The following ANK3 variants were observed in gnomAD, a reference collection of about 807,000 sequenced individuals.
ANK3 encodes the protein ankyrin-3.
ANK3 carries 57 observed loss-of-function variants against 370.9 expected under a neutral mutation model. The observed-to-expected ratio is 0.15, with a 90% CI of 0.12 to 0.19. ANK3 has a LOEUF of 0.19. Ranked by LOEUF, ANK3 falls within the 10% of genes least tolerant of loss-of-function variation. The pLI, the probability that ANK3 is intolerant of heterozygous loss-of-function variation, is 1.00. For synonymous variants in ANK3, 1,929 were observed against 1,946.3 expected, an observed-to-expected ratio of 0.99 and a Z score of 0.23; for missense variants, 4,439 against 5,302.1, an observed-to-expected ratio of 0.84 and a Z score of 5.06.
At chr10:60,279,703 C>G in intron 1 of ANK3, 64 bp from the exon 2 acceptor site, 1 of 1,237,554 alleles carries the variant, frequency 8.1e-7, no homozygotes, top group Non-Finnish European at 1.2e-6. Context: ...TATAAACTAT[C>G]CAGCTTAAGG....
At chr10:60,480,037 CA>C (rs1035169178) in intron 2 of ANK3, among the ~76,000 whole-genome samples, 9 of 152,138 alleles carry the variant, frequency 5.9e-5, no homozygotes. Context: ...CTTGGTGAAA[CA>C]AAACTATTGT....
At chr10:60,579,326 T>TTA (rs1474683515) in intron 2 of ANK3, among the ~76,000 whole-genome samples, 1 of 69,022 alleles carries the variant, frequency 1.4e-5, no homozygotes, top group Non-Finnish European at 2.7e-5. Flanking sequence ...TCTCTCTCAA[T>TTA]AAAAAAAAAA....
At chr10:60,149,066 T>G (rs896631849) in intron 23 of ANK3, among the ~76,000 whole-genome samples, 7 of 152,250 alleles carry the variant, frequency 4.6e-5, no homozygotes, top group African/African-American at 1.4e-4. Context: ...TTCTTTCCCT[T>G]ACACCCAAAT....
At chr10:60,419,644 A>G (rs2063738587) in intron 2 of ANK3, among the ~76,000 whole-genome samples, 1 of 152,188 alleles carries the variant, frequency 6.6e-6, no homozygotes, top group African/African-American at 2.4e-5. Flanking sequence ...GGCCTGTTAC[A>G]TTCAGGAAGA....
At chr10:60,240,601 G>C (rs1349637857) in intron 7 of ANK3, among the ~76,000 whole-genome samples, 1 of 150,856 alleles carries the variant, frequency 6.6e-6, no homozygotes, top group Admixed American at 6.6e-5. Flanking sequence ...ACCACACCCA[G>C]TCAATTTTTT....
chr10:60,356,522 T>A (rs2132717414), intron 1 of ANK3, among the ~76,000 whole-genome samples: 1 of 152,286 alleles, frequency 6.6e-6, no homozygotes, highest in Middle Eastern at 3.4e-3. Flanking sequence ...AAAATCCCTG[T>A]CTATCCAACT....
chr10:60,661,200 C>A (rs1588988250), intron 1 of ANK3, among the ~76,000 whole-genome samples: 1 of 150,610 alleles, frequency 6.6e-6, no homozygotes, highest in African/African-American at 2.4e-5. Flanking sequence ...GAACCATAAC[C>A]AGTATCTAGG....
chr10:60,250,629 T>A (rs1271362244), intron 7 of ANK3, among the ~76,000 whole-genome samples: 8 of 152,194 alleles, frequency 5.3e-5, no homozygotes, highest in Admixed American at 5.2e-4. Context: ...CCTCCCAAAG[T>A]TCTGGGATTA....
chr10:60,205,737 G>A, intron 11 of ANK3, 55 bp downstream of exon 11: 2 of 1,332,946 alleles, frequency 1.5e-6, no homozygotes, highest in Non-Finnish European at 2.2e-6. Context: ...GGCTCTGGCT[G>A]CTAAGGCTAT....
At chr10:60,328,454 A>G (rs1343489716) in intron 1 of ANK3, among the ~76,000 whole-genome samples, 2 of 152,242 alleles carry the variant, frequency 1.3e-5, no homozygotes, top group Non-Finnish European at 2.9e-5. Context: ...GATTAAATAA[A>G]AGGATTATAT....
intron 2 of ANK3, among the ~76,000 whole-genome samples, chr10:60,400,046 G>A (rs2063324144): frequency 7.7e-6 from 1 of 130,232 alleles, no homozygotes; most frequent in Admixed American, 7.7e-5. Flanking sequence ...GTGTGTGTGT[G>A]TGTGTGTGCA....
chr10:60,599,344 C>T (rs529676448), intron 2 of ANK3, among the ~76,000 whole-genome samples: 2 of 152,124 alleles, frequency 1.3e-5, no homozygotes, highest in East Asian at 1.9e-4. Flanking sequence ...ATAATGGACA[C>T]GACTCCCTAA....
At chr10:60,480,592 G>T (rs1278251220) in intron 2 of ANK3, among the ~76,000 whole-genome samples, 1 of 152,126 alleles carries the variant, frequency 6.6e-6, no homozygotes, top group Admixed American at 6.6e-5. Flanking sequence ...TAAGCACTTT[G>T]TTAGAAATTG....
intron 2 of ANK3, among the ~76,000 whole-genome samples, chr10:60,612,785 G>A (rs919862036): frequency 6.6e-6 from 1 of 152,192 alleles, no homozygotes; most frequent in African/African-American, 2.4e-5. Context: ...AATTCCTGGT[G>A]GCGTTGGAGC....
At position 60,076,074 on chromosome 10, in the gene ANK3, G is replaced by A. The variant is rs1456323835; in HGVS notation, c.4807C>T (p.Pro1603Ser). ...AAGGGCGTAGCTTCCGTGACTGCTG[G>A]AGCTCTAGCCAGGGTACCAGAGGAA... is the stretch of plus-strand genomic sequence containing the variant. ...QVSSGTLARA[P>S]AVTEATPLKG... The change falls in exon 37 of 44, where the codon CCA becomes TCA. Residue 1603 changes from proline (P) to serine (S), a missense_variant. Pro to Ser is a moderately conservative substitution (Grantham distance 74, BLOSUM62 -1). Coordinates refer to ENST00000280772, the MANE Select transcript of ANK3 (RefSeq NM_020987.5). The A allele has an allele frequency of 1.2e-6, 2 of 1,614,168 alleles. No homozygotes were observed. The highest frequency in any genetic ancestry group is 1.7e-5 in the Admixed American group (1 of 60,030).
intron 2 of ANK3, among the ~76,000 whole-genome samples, chr10:60,418,819 T>C (rs932786028): frequency 1.3e-5 from 2 of 152,094 alleles, no homozygotes; most frequent in African/African-American, 4.8e-5. Flanking sequence ...TAAAAATTAT[T>C]TAATTCCTGT....
chr10:60,153,675 A>G (rs534373070), intron 23 of ANK3, among the ~76,000 whole-genome samples: 16 of 152,192 alleles, frequency 1.1e-4, no homozygotes, highest in Non-Finnish European at 2.2e-4. Flanking sequence ...AATTCCAAAG[A>G]CAGGATACCA....
In ANK3 at chr10:60,634,283, A is replaced by G. The variant is rs117436666; in HGVS notation, c.58-19059T>C. Among the ~76,000 whole-genome samples the G allele has an allele frequency of 2.8e-4, 43 of 152,322 alleles. No individual in the cohort carries two copies. The East Asian group carries it at 7.9e-3, about 28-fold the overall frequency. ...GATAATTCAACAAGAAGAGGAAAAT[A>G]GTACAAGATTGTCAAGTATTTGTAT... On this transcript the variant is annotated intron_variant, in intron 1 of 43. Coordinates refer to the ANK3 transcript ENST00000373827.
intron 1 of ANK3, among the ~76,000 whole-genome samples, chr10:60,325,813 TA>T (rs1318337173): frequency 1.3e-5 from 2 of 152,188 alleles, no homozygotes; most frequent in Non-Finnish European, 2.9e-5. Context: ...CATCCTTTTA[TA>T]AAGACACATG....
Sources: allele counts gnomAD v4.1 joint callset (sites outside exome capture counted in the v4.1 genomes callset), GRCh38; gene constraint gnomAD v4.1.1; transcripts MANE v1.5; gene names NCBI Gene and HGNC (gene_info 2026-07-23, HGNC 2026-07-21).